Variants in IQGAP1 observed in about 807,000 individuals in gnomAD.
IQGAP1 encodes the protein IQ motif containing GTPase activating protein 1.
A neutral mutation model predicts 215.6 loss-of-function variants in IQGAP1; 66 were observed. The observed-to-expected ratio is 0.31, with a 90% CI of 0.25 to 0.38. The LOEUF is 0.38. Ranked by LOEUF, IQGAP1 falls within the 10% of genes least tolerant of loss-of-function variation. The pLI is 1.00. For missense variants in IQGAP1, 1,712 were observed against 1,997.1 expected (o/e 0.86, Z 2.72); for synonymous variants, 772 against 728.7 (o/e 1.06, Z -0.96).
intron 30 of IQGAP1, among the ~76,000 whole-genome samples, chr15:90,485,652 C>CTGG (rs1966116484): frequency 6.6e-6 from 1 of 152,106 alleles, no homozygotes; most frequent in Admixed American, 6.6e-5. Flanking sequence ...GTTGTCCAGG[C>CTGG]TGGTCTTGAA....
At position 90,492,742 on chromosome 15, in the gene IQGAP1, GT is replaced by G. The variant is rs779827436; in HGVS notation, c.4628+32del. 87 of 1,580,820 alleles carry G rather than the reference GT, an allele frequency of 5.5e-5. 1 individual carries two copies. In the South Asian group the frequency reaches 6.8e-4, roughly 12 times the overall value. Reference sequence around the variant, plus strand: ...TATTTTTTCTTTTTAAAGAATCAATGTCAGAATTAGAGTGAGGAAAAAGCAG... The same window carrying G: ...TATTTTTTCTTTTTAAAGAATCAATGCAGAATTAGAGTGAGGAAAAAGCAG... On this transcript the variant is annotated intron_variant, in intron 35 of 37. Coordinates refer to ENST00000268182, the MANE Select transcript of IQGAP1 (RefSeq NM_003870.4).
intron 23 of IQGAP1, among the ~76,000 whole-genome samples, chr15:90,476,165 C>T (rs1381437914): frequency 1.3e-5 from 2 of 152,050 alleles, no homozygotes; most frequent in Admixed American, 1.3e-4. Flanking sequence ...AACTCCTGGG[C>T]TCAGGTGATC....
intron 2 of IQGAP1, among the ~76,000 whole-genome samples, chr15:90,400,088 A>G (rs1318286770): frequency 6.6e-6 from 1 of 152,110 alleles, no homozygotes; most frequent in Non-Finnish European, 1.5e-5. Flanking sequence ...TTCCCCAGTT[A>G]ACATGTTAGG....
At chr15:90,404,686 C>T (rs182714168) in intron 2 of IQGAP1, among the ~76,000 whole-genome samples, 285 of 152,182 alleles carry the variant, frequency 1.9e-3, no homozygotes, top group African/African-American at 6.7e-3. Context: ...TCAAGCGATT[C>T]TTGTGCCTCA....
chr15:90,396,096 T>G (rs948091373), intron 2 of IQGAP1, among the ~76,000 whole-genome samples: 1 of 152,224 alleles, frequency 6.6e-6, no homozygotes, highest in Non-Finnish European at 1.5e-5. Context: ...TATGTCACTT[T>G]CTGTAATTTA....
chr15:90,493,337 G>A (rs4620932), intron 35 of IQGAP1, among the ~76,000 whole-genome samples: 88,104 of 151,966 alleles, frequency 0.58, 27,403 homozygotes, highest in East Asian at 0.85. Context: ...ACAAATTTGG[G>A]TCCCCTTGCT....
At chr15:90,458,351 A>C (rs912368641) in intron 15 of IQGAP1, among the ~76,000 whole-genome samples, 1 of 152,176 alleles carries the variant, frequency 6.6e-6, no homozygotes, top group African/African-American at 2.4e-5. Flanking sequence ...TTTGCACTTT[A>C]TTCGTGATTT....
At chr15:90,495,632 T>C (rs1290490423) in intron 36 of IQGAP1, among the ~76,000 whole-genome samples, 1 of 147,880 alleles carries the variant, frequency 6.8e-6, no homozygotes, top group East Asian at 2.0e-4. Flanking sequence ...ATTTTTTTCT[T>C]CTTCTTCTTT....
In IQGAP1 at chr15:90,433,739, A is replaced by G. The variant is rs1292962899; in HGVS notation, c.411A>G (p.Thr137=). The G allele has an allele frequency of 1.7e-5, 28 of 1,604,402 alleles. No homozygotes were observed. Among genetic ancestry groups the G allele is most frequent in the Non-Finnish European group, 2.3e-5 (27 of 1,172,978 alleles). Residue 137 remains threonine, a synonymous_variant, in exon 5 of 38, where the codon ACA becomes ACG. Coordinates refer to ENST00000268182, the MANE Select transcript of IQGAP1 (RefSeq NM_003870.4). ...CCTAGATTTTTTACCCAGAAACTACAGATATCTATGATCGAAAGAACATGC... is the reference window on the plus strand; with the variant it reads ...CCTAGATTTTTTACCCAGAAACTACGGATATCTATGATCGAAAGAACATGC... ...GLPKIFYPET[T]DIYDRKNMPR... is the part of the protein sequence containing the mutation.
chr15:90,462,267 A>C (rs1965774626), intron 15 of IQGAP1, among the ~76,000 whole-genome samples: 1 of 152,228 alleles, frequency 6.6e-6, no homozygotes, highest in South Asian at 2.1e-4. Context: ...CAGCTGGTTC[A>C]CACCAGCACA....
In IQGAP1 at chr15:90,491,334, A is replaced by G. The variant is rs1336947378; in HGVS notation, c.4250A>G (p.Glu1417Gly). 1.2e-6 allele frequency: 2 copies of G among 1,613,708 alleles called. No homozygotes were observed. Among genetic ancestry groups the G allele is most frequent in the South Asian group, 1.1e-5 (1 of 91,072 alleles). ...AGAACTTCTTTTTCCCATCCGTAGG[A>G]AGCAGAACATCAGAGAGCCATGCAG... ...ILETPATSEQ[E>G]AEHQRAMQRR... The change falls in exon 34 of 38, where the codon GAA (glutamate) becomes GGA (glycine). Residue 1417 changes from glutamate to glycine, a missense_variant and splice_region_variant. Physicochemically the swap from Glu to Gly is moderately conservative, Grantham distance 98 (BLOSUM62 -2). Around this residue, in one of 2 missense-constraint regions of IQGAP1, gnomAD observed 691 missense variants for 923.0 expected, o/e 0.75. Coordinates refer to ENST00000268182, the MANE Select transcript of IQGAP1 (RefSeq NM_003870.4).
Position 90,491,503 on chromosome 15 carries a change from C to T in IQGAP1, c.4419C>T (p.Asp1473=), listed in dbSNP as rs756836650. ...LKKLTELGTV[D]PKNKYQELIN... ...AGCTAACAGAGCTTGGAACCGTGGA[C>T]CCAAAGAACAAATACCAGGAACTGA... is the stretch of plus-strand genomic sequence containing the variant. The change falls in exon 34 of 38, where the codon GAC becomes GAT. Residue 1473 remains aspartate (D), a synonymous_variant. Transcript: ENST00000268182. 6.2e-7 allele frequency: 1 copy of T among 1,614,148 alleles called. No individual in the cohort carries two copies. Among genetic ancestry groups the T allele is most frequent in the Non-Finnish European group, 8.5e-7 (1 of 1,180,006 alleles).
At chr15:90,485,163 A>G (rs997929308) in intron 30 of IQGAP1, among the ~76,000 whole-genome samples, 1 of 152,164 alleles carries the variant, frequency 6.6e-6, no homozygotes, top group Non-Finnish European at 1.5e-5. Context: ...TAAAACAGGA[A>G]CAAGGGCATA....
intron 24 of IQGAP1, 50 bp from the exon 25 acceptor site, chr15:90,477,017 G>C: frequency 6.5e-7 from 1 of 1,538,944 alleles, no homozygotes; most frequent in South Asian, 1.1e-5. Flanking sequence ...AATATATCTT[G>C]CCAGCCTTTA....
rs1273975124 is a variant in IQGAP1, at chr15:90,412,266, T to C, written c.156-13844T>C. On this transcript the variant is annotated intron_variant, in intron 2 of 37. Coordinates refer to ENST00000268182, the MANE Select transcript of IQGAP1 (RefSeq NM_003870.4). ...GCCTAATTTATACTCAGGTTTCCTT[T>C]AAAACAGATACTATCAAGATTTCTC... Among the ~76,000 whole-genome samples the C allele has an allele frequency of 3.3e-5, 5 of 152,334 alleles. No individual in the cohort carries two copies. The Middle Eastern group carries it at 0.01, about 311-fold the overall frequency.
At chr15:90,473,538 GTTC>G (rs1423446412) in intron 19 of IQGAP1, 174 bp from the exon 20 acceptor site, 2 of 588,682 alleles carry the variant, frequency 3.4e-6, no homozygotes, top group African/African-American at 3.7e-5. Flanking sequence ...TAGCCATCGT[GTTC>G]TTCCAGTGGA....
At chr15:90,496,959 C>T (rs916885813) in intron 36 of IQGAP1, 5 of 261,698 alleles carry the variant, frequency 1.9e-5, no homozygotes, top group African/African-American at 1.1e-4. Flanking sequence ...CATCCCTTCA[C>T]ACGCCACTTG....
intron 2 of IQGAP1, among the ~76,000 whole-genome samples, chr15:90,396,676 G>A (rs989819903): frequency 6.6e-6 from 1 of 151,830 alleles, no homozygotes; most frequent in Non-Finnish European, 1.5e-5. Flanking sequence ...TTAGTGCAAC[G>A]GCCTTGGACA....
chr15:90,420,998 A>G (rs981878652), intron 2 of IQGAP1, among the ~76,000 whole-genome samples: 1 of 151,202 alleles, frequency 6.6e-6, no homozygotes, highest in African/African-American at 2.4e-5. Flanking sequence ...ACTAAGATGT[A>G]CAAAAACTAG....
Sources: gnomAD v4.1 joint callset for allele counts (sites outside exome capture counted in the v4.1 genomes callset) on GRCh38, gnomAD v4.1.1 for gene constraint, gnomAD v4.1.1 regional missense constraint, MANE v1.5 for transcripts, NCBI Gene and HGNC (gene_info 2026-07-23, HGNC 2026-07-21) for gene names.